TNKS: variants seen among roughly 807,000 people sequenced by gnomAD.
TNKS encodes the protein poly [ADP-ribose] polymerase tankyrase-1.
A neutral mutation model predicts 135.8 loss-of-function variants in TNKS; 72 were observed. The observed-to-expected ratio is 0.53, with a 90% CI of 0.44 to 0.64. TNKS has a LOEUF of 0.64. TNKS is among the 30% of genes least tolerant of loss of function. TNKS has a pLI of 0.00. For missense variants in TNKS, 1,769 were observed against 1,674.0 expected (o/e 1.06, Z -0.99); for synonymous variants, 849 against 649.3 (o/e 1.31, Z -4.68).
intron 26 of TNKS, among the ~76,000 whole-genome samples, chr8:9,774,991 G>A (rs1171978710): frequency 2.6e-5 from 4 of 152,258 alleles, no homozygotes; most frequent in Non-Finnish European, 5.9e-5. Context: ...TTGTCTGTCC[G>A]CATGGTAAGC....
At chr8:9,714,419 A>G (rs948955019) in intron 11 of TNKS, among the ~76,000 whole-genome samples, 1 of 152,002 alleles carries the variant, frequency 6.6e-6, no homozygotes, top group African/African-American at 2.4e-5. Flanking sequence ...ATTTGTGAAT[A>G]TGAGCCTTTT....
At chr8:9,659,671 A>G (rs1303774194) in intron 3 of TNKS, among the ~76,000 whole-genome samples, 1 of 152,228 alleles carries the variant, frequency 6.6e-6, no homozygotes, top group Non-Finnish European at 1.5e-5. Flanking sequence ...TCACAATTAA[A>G]AGAACTAGAG....
chr8:9,589,113 A>G (rs1798495947), intron 2 of TNKS, among the ~76,000 whole-genome samples: 1 of 152,208 alleles, frequency 6.6e-6, no homozygotes, highest in Non-Finnish European at 1.5e-5. Flanking sequence ...TTGACATGAG[A>G]AAAAATCTAT....
intron 3 of TNKS, among the ~76,000 whole-genome samples, chr8:9,660,426 G>C (rs1801638756): frequency 6.6e-6 from 1 of 152,112 alleles, no homozygotes; most frequent in African/African-American, 2.4e-5. Flanking sequence ...TCCAAGGCTC[G>C]TTCAACATAC....
chr8:9,733,745 T>C (rs529564961), intron 15 of TNKS, among the ~76,000 whole-genome samples: 2 of 152,288 alleles, frequency 1.3e-5, no homozygotes, highest in African/African-American at 4.8e-5. Flanking sequence ...CAGAAAAAAC[T>C]GTACAGGAGA....
rs1585394712 is a variant in TNKS at position 9,735,500 on chromosome 8, C to T, written c.2643+14C>T. 7 of 1,605,774 alleles carry T rather than the reference C, an allele frequency of 4.4e-6. No homozygotes were observed. The highest frequency in any genetic ancestry group is 6.0e-6 in the Non-Finnish European group (7 of 1,172,536). On this transcript the variant is annotated intron_variant, in intron 17 of 26. Transcript: ENST00000310430. ...GCATCTTATGGGGTAAGCATACTAACATTAAAATCTAGAAAACTGACCGCA... is the reference window on the plus strand; with the variant it reads ...GCATCTTATGGGGTAAGCATACTAATATTAAAATCTAGAAAACTGACCGCA...
intron 13 of TNKS, 57 bp downstream of exon 13, chr8:9,726,777 A>G: frequency 7.3e-7 from 1 of 1,364,054 alleles, no homozygotes; most frequent in South Asian, 1.2e-5. Context: ...TAACCAATTC[A>G]TTTTTAAGCT....
chr8:9,775,820 G>A (rs1301268633), intron 26 of TNKS, among the ~76,000 whole-genome samples: 1 of 151,890 alleles, frequency 6.6e-6, no homozygotes, highest in African/African-American at 2.4e-5. Context: ...TCTTCTTTTA[G>A]TCACAGACCA....
At chr8:9,682,642 A>C (rs1802829311) in intron 5 of TNKS, among the ~76,000 whole-genome samples, 1 of 152,022 alleles carries the variant, frequency 6.6e-6, no homozygotes, top group Non-Finnish European at 1.5e-5. Context: ...TTGCACCAGG[A>C]CCAAGGCTGG....
intron 3 of TNKS, among the ~76,000 whole-genome samples, chr8:9,667,545 A>C (rs1490050464): frequency 6.6e-6 from 1 of 152,176 alleles, no homozygotes; most frequent in African/African-American, 2.4e-5. Flanking sequence ...GAGGCATGTG[A>C]CTGCTTTTTG....
chr8:9,563,427 G>C (rs1442077012), intron 1 of TNKS, among the ~76,000 whole-genome samples: 1 of 151,968 alleles, frequency 6.6e-6, no homozygotes. Flanking sequence ...TAGCTACTCA[G>C]TTTTGCTTTT....
chr8:9,747,442 C>T (rs1033518322), intron 17 of TNKS, among the ~76,000 whole-genome samples: 6 of 152,110 alleles, frequency 3.9e-5, no homozygotes, highest in African/African-American at 1.4e-4. Context: ...ATTAGCATGT[C>T]TGCTGCTAAC....
intron 18 of TNKS, among the ~76,000 whole-genome samples, chr8:9,750,300 G>A (rs1202588696): frequency 6.6e-6 from 1 of 152,128 alleles, no homozygotes. Flanking sequence ...GGCTGGGAAT[G>A]GTGAATAATT....
At chr8:9,760,497 G>A (rs546124977) in intron 20 of TNKS, among the ~76,000 whole-genome samples, 5 of 152,300 alleles carry the variant, frequency 3.3e-5, no homozygotes, top group Admixed American at 6.5e-5. Flanking sequence ...GGAAAAAAGC[G>A]ATCTTGTTTG....
At chr8:9,745,121 G>A (rs569242241) in intron 17 of TNKS, among the ~76,000 whole-genome samples, 7 of 152,198 alleles carry the variant, frequency 4.6e-5, no homozygotes, top group South Asian at 2.1e-4. Flanking sequence ...AAATTATTCC[G>A]TGCTTTTGGG....
At chr8:9,613,501 T>A (rs2128764535) in intron 2 of TNKS, among the ~76,000 whole-genome samples, 2 of 152,362 alleles carry the variant, frequency 1.3e-5, no homozygotes, top group Admixed American at 1.3e-4. Context: ...TTTTAATTCA[T>A]ATGTGATGAA....
chr8:9,594,735 G>A (rs955478395), intron 2 of TNKS, among the ~76,000 whole-genome samples: 5 of 151,938 alleles, frequency 3.3e-5, no homozygotes, highest in African/African-American at 9.7e-5. Context: ...AGGCCATTTA[G>A]GCTATTTTTG....
At chr8:9,689,453 C>T (rs7817655) in intron 5 of TNKS, among the ~76,000 whole-genome samples, 109,479 of 152,006 alleles carry the variant, frequency 0.72, 39,597 homozygotes, top group Admixed American at 0.78. Flanking sequence ...AATTTGGAAA[C>T]AGACCAATTC....
chr8:9,581,817 C>G (rs1798177282), intron 2 of TNKS, among the ~76,000 whole-genome samples: 2 of 152,128 alleles, frequency 1.3e-5, no homozygotes, highest in Admixed American at 1.3e-4. Context: ...ATTAGTATTT[C>G]TCGCCTCCTC....
Sources: gnomAD v4.1 joint callset for allele counts (sites outside exome capture counted in the v4.1 genomes callset) on GRCh38, gnomAD v4.1.1 for gene constraint, MANE v1.5 for transcripts, NCBI Gene and HGNC (gene_info 2026-07-23, HGNC 2026-07-21) for gene names.